TMCC1: variants seen among roughly 807,000 people sequenced by gnomAD.
TMCC1 encodes transmembrane and coiled-coil domains protein 1.
In TMCC1, 15 loss-of-function variants were observed where a neutral mutation model predicts 52.4. The observed-to-expected ratio is 0.29, with a 90% CI of 0.19 to 0.44. The LOEUF is 0.44. Among genes scored for constraint, TMCC1 ranks in the 20% least tolerant of loss-of-function variants. The pLI is 1.00. For synonymous variants in TMCC1, 279 were observed against 301.9 expected (o/e 0.92, Z 0.79); for missense variants, 503 against 806.0 (o/e 0.62, Z 4.55).
In TMCC1 at chr3:129,671,197, C is replaced by T. The variant is rs778382494; in HGVS notation, c.644G>A (p.Ser215Asn). ...TCCATCCACAGAGTCTGTGTGGATG[C>T]TGCCATCGGTACTGGAGGCCACTGC... ...SSAVASSTDGSIHTDSVDGTP... is the reference protein window; with the variant it reads ...SSAVASSTDGNIHTDSVDGTP... Residue 215 changes from serine (S) to asparagine (N), a missense_variant, in exon 5 of 7, where the codon AGC becomes AAC. Physicochemically the swap from Ser to Asn is conservative, Grantham distance 46 (BLOSUM62 1). Around this residue, in one of 7 missense-constraint regions of TMCC1, gnomAD observed 217 missense variants for 297.9 expected, o/e 0.73. Transcript: ENST00000393238. 3 of 1,614,158 alleles carry T rather than the reference C, an allele frequency of 1.9e-6. No homozygotes were observed. Among genetic ancestry groups the T allele is most frequent in the Non-Finnish European group, 2.5e-6 (3 of 1,180,024 alleles).
At chr3:129,747,636 A>G (rs1000185860) in intron 4 of TMCC1, among the ~76,000 whole-genome samples, 1 of 151,984 alleles carries the variant, frequency 6.6e-6, no homozygotes, top group African/African-American at 2.4e-5. Flanking sequence ...TATGTAACCA[A>G]TCTTCTATCT....
rs1018425937 is a variant in TMCC1 at position 129,648,743 on chromosome 3, T to C, written c.*2738A>G. On this transcript the variant is annotated 3_prime_UTR_variant, in exon 7 of 7. Transcript: ENST00000393238. ...AGGGGACGTTTCCACCCAGAACAAC[T>C]GTTAAGCCATTAGAGCGAGGTTATA... 2 of 151,170 alleles carry C rather than the reference T, an allele frequency of 1.3e-5. No homozygotes were observed. Among genetic ancestry groups the C allele is most frequent in the Admixed American group, 6.6e-5 (1 of 15,188 alleles). 9.4% of individuals were successfully genotyped at this position (151,170 alleles called of 1,614,324 possible).
intron 3 of TMCC1, among the ~76,000 whole-genome samples, chr3:129,830,273 G>C (rs966691202): frequency 6.6e-6 from 1 of 152,122 alleles, no homozygotes; most frequent in African/African-American, 2.4e-5. Flanking sequence ...TTGGCCTCTG[G>C]TGTGGTTTTC....
At chr3:129,841,062 T>C (rs1219012185) in intron 2 of TMCC1, among the ~76,000 whole-genome samples, 1 of 152,164 alleles carries the variant, frequency 6.6e-6, no homozygotes, top group East Asian at 1.9e-4. Context: ...AAGTGCTGAT[T>C]GTGATATGGA....
chr3:129,872,255 G>A (rs754943402), intron 2 of TMCC1, among the ~76,000 whole-genome samples: 5 of 151,998 alleles, frequency 3.3e-5, no homozygotes, highest in Non-Finnish European at 4.4e-5. Flanking sequence ...CTCTTTCCTA[G>A]ACACACTTGG....
intron 4 of TMCC1, among the ~76,000 whole-genome samples, chr3:129,790,005 AG>A (rs1163180123): frequency 6.6e-6 from 1 of 152,214 alleles, no homozygotes; most frequent in Admixed American, 6.5e-5. Flanking sequence ...ACATATTGGT[AG>A]GATTTTTACC....
chr3:129,697,208 C>T (rs1055297381), intron 4 of TMCC1, among the ~76,000 whole-genome samples: 12 of 152,232 alleles, frequency 7.9e-5, no homozygotes, highest in Non-Finnish European at 1.5e-4. Flanking sequence ...CGTTTCCATA[C>T]ATCCTTTGAA....
intron 2 of TMCC1, among the ~76,000 whole-genome samples, chr3:129,833,130 C>T (rs930561074): frequency 6.6e-6 from 1 of 152,072 alleles, no homozygotes; most frequent in African/African-American, 2.4e-5. Context: ...CATTATCATA[C>T]TGAATAAGGA....
chr3:129,740,780 T>C (rs1283720967), intron 4 of TMCC1, among the ~76,000 whole-genome samples: 3 of 152,324 alleles, frequency 2.0e-5, no homozygotes, highest in Non-Finnish European at 2.9e-5. Flanking sequence ...CTGTTCCCCA[T>C]TGTGACTTCA....
chr3:129,748,942 T>A (rs2052246763), intron 4 of TMCC1, among the ~76,000 whole-genome samples: 1 of 151,896 alleles, frequency 6.6e-6, no homozygotes, highest in Admixed American at 6.6e-5. Context: ...CAAGAATCCT[T>A]TGAAGCTGGG....
At position 129,828,381 on chromosome 3, in the gene TMCC1, G is replaced by A. The variant is rs2058749794; in HGVS notation, c.-3C>T. ...TGTTCACTGCCCGAAGGCTCCATCA[G>A]TAGACTTAATATGCTTATTTGCAAA... On this transcript the variant is annotated 5_prime_UTR_variant, in exon 4 of 7. Transcript: ENST00000393238. This position sits in a 1 kb window ranked among gnomAD's most constrained non-coding sequence, Gnocchi z 4.1. 1.2e-6 allele frequency: 2 copies of A among 1,612,146 alleles called. No individual in the cohort carries two copies. The highest frequency in any genetic ancestry group is 4.5e-5 in the East Asian group (2 of 44,856).
intron 4 of TMCC1, among the ~76,000 whole-genome samples, chr3:129,802,117 T>C (rs1173992941): frequency 6.6e-6 from 1 of 152,198 alleles, no homozygotes; most frequent in Non-Finnish European, 1.5e-5. Context: ...TATATAGTCT[T>C]GTCTTGGGAT....
At chr3:129,877,964 TA>T (rs1267525107) in intron 2 of TMCC1, among the ~76,000 whole-genome samples, 2 of 149,572 alleles carry the variant, frequency 1.3e-5, no homozygotes, top group East Asian at 4.0e-4. Context: ...TTTTTATTTT[TA>T]TTTTTTTTTT....
chr3:129,864,047 A>G (rs150837760), intron 2 of TMCC1, among the ~76,000 whole-genome samples: 4 of 152,292 alleles, frequency 2.6e-5, no homozygotes, highest in African/African-American at 9.6e-5. Flanking sequence ...TGCTCTCTCT[A>G]AAAACCATCA....
At chr3:129,707,029 T>G (rs1000071541) in intron 4 of TMCC1, among the ~76,000 whole-genome samples, 2 of 151,868 alleles carry the variant, frequency 1.3e-5, no homozygotes, top group Admixed American at 6.6e-5. Context: ...TTGAGGGGGA[T>G]AGATATGAAT....
intron 2 of TMCC1, among the ~76,000 whole-genome samples, chr3:129,835,303 T>C (rs972757728): frequency 6.6e-6 from 1 of 151,358 alleles, no homozygotes; most frequent in Non-Finnish European, 1.5e-5. Flanking sequence ...TAAAAAAAAT[T>C]CAGTCACGGT....
At chr3:129,745,728 G>A (rs535169362) in intron 4 of TMCC1, among the ~76,000 whole-genome samples, 4 of 152,010 alleles carry the variant, frequency 2.6e-5, no homozygotes, top group East Asian at 2.0e-4. Context: ...TTGGGAGGCC[G>A]AGGCGGGTGG....
chr3:129,755,099 G>C (rs1434164201), intron 4 of TMCC1, among the ~76,000 whole-genome samples: 1 of 152,020 alleles, frequency 6.6e-6, no homozygotes, highest in African/African-American at 2.4e-5. Context: ...ACCTGACCTT[G>C]GGTTTGGCAA....
chr3:129,720,004 A>C (rs2049437569), intron 4 of TMCC1, among the ~76,000 whole-genome samples: 1 of 151,860 alleles, frequency 6.6e-6, no homozygotes, highest in Admixed American at 6.6e-5. Flanking sequence ...CAACATGGTG[A>C]GACCCTACCT....
Sources: allele counts gnomAD v4.1 joint callset (sites outside exome capture counted in the v4.1 genomes callset), GRCh38; gene constraint gnomAD v4.1.1; regional missense constraint gnomAD v4.1.1; non-coding constraint Gnocchi (gnomAD v3.1); transcripts MANE v1.5; gene names NCBI Gene and HGNC (gene_info 2026-07-23, HGNC 2026-07-21).